The following PLD1 variants were observed in gnomAD, a reference collection of about 807,000 sequenced individuals.
The protein encoded by PLD1 is phospholipase D1.
A neutral mutation model predicts 137.1 loss-of-function variants in PLD1; 112 were observed. The ratio of observed to expected loss-of-function variants is 0.82; its 90% confidence interval spans 0.70 to 0.96. The LOEUF (loss-of-function observed/expected upper bound fraction) is 0.96, where lower values mean the gene tolerates loss of function less well. PLD1 is among the 40% of genes least tolerant of loss of function. PLD1 has a pLI of 0.00. For synonymous variants in PLD1, 431 were observed against 454.7 expected (o/e 0.95, Z 0.66); for missense variants, 1,321 against 1,342.0 (o/e 0.98, Z 0.24).
rs190733223 is a variant in PLD1, at chr3:171,603,051, A to T, written c.*27T>A. ...TGTGCAGTGTGGTCTCCAGGGTGGA[A>T]GTCTTTGAGCTGCCAATGAATATCT... On this transcript the variant is annotated 3_prime_UTR_variant, in exon 27 of 27. Transcript: ENST00000351298. The T allele has an allele frequency of 6.5e-7, 1 of 1,529,722 alleles. No individual in the cohort carries two copies. Among genetic ancestry groups the T allele is most frequent in the South Asian group, 1.1e-5 (1 of 89,490 alleles). The allele number at this position is 1,529,722 out of a possible 1,614,324, so 94.8% of individuals were successfully genotyped here.
intron 6 of PLD1, among the ~76,000 whole-genome samples, chr3:171,730,637 C>G (rs1376937883): frequency 8.2e-6 from 1 of 122,074 alleles, no homozygotes; most frequent in Admixed American, 8.4e-5. Context: ...TATAATAAAT[C>G]TATCTCCACT....
chr3:171,708,890 A>T, intron 10 of PLD1, 52 bp from the exon 11 acceptor site: 1 of 1,183,346 alleles, frequency 8.5e-7, no homozygotes, highest in Non-Finnish European at 1.3e-6. Flanking sequence ...AAAAGAAAAG[A>T]AACTTATCTT....
At position 171,737,654 on chromosome 3, in the gene PLD1, T is replaced by A. The variant is rs1719463835; in HGVS notation, c.166A>T (p.Ile56Phe). 2.6e-6 allele frequency: 4 copies of A among 1,533,752 alleles called. No homozygotes were observed. Among genetic ancestry groups the A allele is most frequent in the Non-Finnish European group, 3.6e-6 (4 of 1,121,294 alleles). The change falls in exon 3 of 27, where the codon ATC becomes TTC. Residue 56 changes from isoleucine (I) to phenylalanine (F), a missense_variant. Coordinates refer to ENST00000351298, the MANE Select transcript of PLD1 (RefSeq NM_002662.5). ...GTGTTATAAATAGCAGAGAAAGGGA[T>A]ATACACTAAAAAAAAAAGTAAATAA... ...PSDPKIQEVY[I>F]PFSAIYNTQG... is the part of the protein sequence containing the mutation.
At chr3:171,789,934 C>T (rs979563882) in intron 1 of PLD1, 1 of 152,210 alleles carries the variant, frequency 6.6e-6, no homozygotes, top group African/African-American at 2.4e-5. Context: ...TAGGCTTCCA[C>T]GTAGGGTCAA....
chr3:171,764,142 T>G lies in PLD1; in HGVS notation c.-31-26060A>C, dbSNP rs115605153. ...ACATGCCACCACGTCCAGCTAATTT[T>G]ATTTATGTTTTTAGTAGAGATGGAG... is the stretch of plus-strand genomic sequence containing the variant. On this transcript the variant is annotated intron_variant, in intron 1 of 26. Transcript: ENST00000351298. Among the ~76,000 whole-genome samples, 767 of 152,262 alleles carry G rather than the reference T, an allele frequency of 5.0e-3. 1 individual carries two copies. The highest frequency in any genetic ancestry group is 0.018 in the African/African-American group (741 of 41,544).
chr3:171,682,543 C>A (rs752833074), intron 16 of PLD1, among the ~76,000 whole-genome samples: 1 of 152,204 alleles, frequency 6.6e-6, no homozygotes, highest in Non-Finnish European at 1.5e-5. Flanking sequence ...AAATTTCTAA[C>A]GAAGAGTCAC....
chr3:171,651,383 T>G (rs575803275), intron 21 of PLD1, among the ~76,000 whole-genome samples: 1 of 152,064 alleles, frequency 6.6e-6, no homozygotes, highest in African/African-American at 2.4e-5. Flanking sequence ...GTATCAATTA[T>G]GTTGGAATTG....
intron 5 of PLD1, among the ~76,000 whole-genome samples, 171 bp downstream of exon 5, chr3:171,734,694 T>C (rs1327675608): frequency 1.3e-5 from 2 of 152,146 alleles, no homozygotes; most frequent in Non-Finnish European, 2.9e-5. Context: ...ACTGTATGGC[T>C]TGGGGAAAGA....
chr3:171,723,190 T>G (rs138378611), intron 8 of PLD1, among the ~76,000 whole-genome samples: 134 of 152,300 alleles, frequency 8.8e-4, no homozygotes, highest in African/African-American at 3.0e-3. Context: ...GTTCAGTTGT[T>G]TTAATTTTTA....
At chr3:171,774,037 C>T (rs572490673) in intron 1 of PLD1, among the ~76,000 whole-genome samples, 18 of 152,244 alleles carry the variant, frequency 1.2e-4, no homozygotes, top group Admixed American at 7.2e-4. Flanking sequence ...CGTGAGCCAC[C>T]GCGCCCGGCT....
rs571538714 is a variant in PLD1, at chr3:171,680,242, C to CTTTTTTTTTTTTTTTTTTT, written c.1868-2567_1868-2549dup. The stretch of plus-strand genomic sequence containing the variant: ...GTCTTTTTGTTTTCTTTTTCTTCCT[C>CTTTTTTTTTTTTTTTTTTT]TTTTTTTTTTTTTTTTTTTTTTTTT... On this transcript the variant is annotated intron_variant, in intron 16 of 26. Transcript: ENST00000351298. Among the ~76,000 whole-genome samples the CTTTTTTTTTTTTTTTTTTT allele has an allele frequency of 6.8e-5, 7 of 102,928 alleles. 2 individuals are homozygous for CTTTTTTTTTTTTTTTTTTT. The highest frequency in any genetic ancestry group is 1.1e-4 in the Non-Finnish European group (6 of 52,644). The allele number at this position is 102,928 out of a possible 152,430, so 67.5% of individuals were successfully genotyped here.
intron 6 of PLD1, among the ~76,000 whole-genome samples, chr3:171,729,984 G>A (rs1477275779): frequency 6.6e-6 from 1 of 152,184 alleles, no homozygotes; most frequent in Admixed American, 6.5e-5. Context: ...CTTCAAGGTA[G>A]AGATACGATC....
At chr3:171,709,304 A>C (rs1196753366) in intron 10 of PLD1, among the ~76,000 whole-genome samples, 1 of 152,248 alleles carries the variant, frequency 6.6e-6, no homozygotes, top group Non-Finnish European at 1.5e-5. Flanking sequence ...TCATTAAAGA[A>C]ATGTATGAAG....
chr3:171,785,667 G>T (rs945398387), intron 1 of PLD1, among the ~76,000 whole-genome samples: 1 of 152,192 alleles, frequency 6.6e-6, no homozygotes, highest in Non-Finnish European at 1.5e-5. Flanking sequence ...TTGAACTCCT[G>T]ACCTCATGAT....
intron 1 of PLD1, chr3:171,771,388 C>T (rs1578453681): frequency 6.6e-6 from 1 of 152,278 alleles, no homozygotes; most frequent in African/African-American, 2.4e-5. Context: ...TAAGTCATAG[C>T]CAAGCCCACA....
At chr3:171,641,238 C>T (rs1735715053) in intron 23 of PLD1, among the ~76,000 whole-genome samples, 2 of 152,190 alleles carry the variant, frequency 1.3e-5, no homozygotes, top group Non-Finnish European at 2.9e-5. Context: ...GCTATTCTTA[C>T]CAAGATTCAG....
At chr3:171,804,067 A>T (rs1723748821) in intron 1 of PLD1, among the ~76,000 whole-genome samples, 1 of 152,050 alleles carries the variant, frequency 6.6e-6, no homozygotes, top group Admixed American at 6.6e-5. Context: ...CTAAAACATC[A>T]TCTTCATTTT....
chr3:171,655,661 T>C (rs916447890), intron 21 of PLD1, among the ~76,000 whole-genome samples: 2 of 152,144 alleles, frequency 1.3e-5, no homozygotes, highest in African/African-American at 4.8e-5. Context: ...TAATTCTGCC[T>C]TTACCTTGCC....
intron 1 of PLD1, among the ~76,000 whole-genome samples, chr3:171,771,842 C>T (rs1289238588): frequency 6.6e-6 from 1 of 152,216 alleles, no homozygotes; most frequent in African/African-American, 2.4e-5. Context: ...CAACGATTAA[C>T]ATAAGTTCAA....
Sources: gnomAD v4.1 joint callset for allele counts (sites outside exome capture counted in the v4.1 genomes callset) on GRCh38, gnomAD v4.1.1 for gene constraint, MANE v1.5 for transcripts, NCBI Gene and HGNC (gene_info 2026-07-23, HGNC 2026-07-21) for gene names.